Variants in PCDHA6 observed in about 807,000 individuals in gnomAD.
The protein encoded by PCDHA6 is protocadherin alpha 6.
PCDHA6 carries 55 observed loss-of-function variants against 60.3 expected under a neutral mutation model. The ratio of observed to expected loss-of-function variants is 0.91; its 90% confidence interval spans 0.73 to 1.14. The LOEUF (loss-of-function observed/expected upper bound fraction) is 1.14, where lower values mean the gene tolerates loss of function less well. Ranked by LOEUF, PCDHA6 falls within the 50% of genes most tolerant of loss-of-function variation. PCDHA6 has a pLI of 0.00. For missense variants in PCDHA6, 1,327 were observed against 1,256.5 expected, an observed-to-expected ratio of 1.06 and a Z score of -0.85; for synonymous variants, 652 against 557.9, an observed-to-expected ratio of 1.17 and a Z score of -2.38.
At chr5:140,880,123 C>T (rs1315267493) in intron 1 of PCDHA6, among the ~76,000 whole-genome samples, 3 of 152,118 alleles carry the variant, frequency 2.0e-5, no homozygotes, top group African/African-American at 7.2e-5. Flanking sequence ...CAACAGGAAG[C>T]TGAAATAAAG....
chr5:140,976,812 G>A (rs2096732233), intron 1 of PCDHA6, among the ~76,000 whole-genome samples: 1 of 152,178 alleles, frequency 6.6e-6, no homozygotes, highest in Non-Finnish European at 1.5e-5. Flanking sequence ...CTGAAGATAT[G>A]CATGTGTCTA....
intron 1 of PCDHA6, chr5:140,967,313 C>T: frequency 6.2e-7 from 1 of 1,611,052 alleles, no homozygotes; most frequent in Non-Finnish European, 8.5e-7. Flanking sequence ...CAACTCAGTA[C>T]AGACCTACGA....
chr5:141,010,461 G>C lies in PCDHA6; in HGVS notation c.*524G>C. The C allele has an allele frequency of 1.2e-6, 1 of 823,014 alleles. No individual in the cohort carries two copies. The highest frequency in any genetic ancestry group is 1.8e-6 in the Non-Finnish European group (1 of 553,022). The allele number at this position is 823,014 out of a possible 1,614,324, so 51.0% of individuals were successfully genotyped here. A position where few individuals can be genotyped will look rare whatever the true frequency, so the allele number is the denominator to read the frequency against. On this transcript the variant is annotated 3_prime_UTR_variant, in exon 4 of 4. Coordinates refer to ENST00000529310, the MANE Select transcript of PCDHA6 (RefSeq NM_018909.4). ...GACAAATAAACAGCGGAAGTTATCAGTATGGAGGGGAAGTGTAAACTTAAA... is the reference window on the plus strand; with the variant it reads ...GACAAATAAACAGCGGAAGTTATCACTATGGAGGGGAAGTGTAAACTTAAA...
intron 3 of PCDHA6, among the ~76,000 whole-genome samples, chr5:141,005,360 A>G (rs1215157808): frequency 6.6e-6 from 1 of 152,184 alleles, no homozygotes; most frequent in Non-Finnish European, 1.5e-5. Flanking sequence ...TAGGAATGTC[A>G]TAGAATGCCT....
intron 3 of PCDHA6, among the ~76,000 whole-genome samples, chr5:140,994,127 A>T (rs536865883): frequency 6.6e-6 from 1 of 152,348 alleles, no homozygotes; most frequent in South Asian, 2.1e-4. Flanking sequence ...GATAAGGGCG[A>T]CAATAATGCC....
chr5:140,856,074 G>A, intron 1 of PCDHA6: 1 of 1,592,254 alleles, frequency 6.3e-7, no homozygotes, highest in Non-Finnish European at 8.6e-7. Context: ...AGCTGCCTGG[G>A]GGTCCAGTGT....
rs2150360116 is a variant in PCDHA6 at position 140,843,442 on chromosome 5, A to G, written c.2394+12957A>G. The G allele has an allele frequency of 4.5e-5, 72 of 1,596,116 alleles. 7 individuals are homozygous for G. The highest frequency in any genetic ancestry group is 1.7e-4 in the Middle Eastern group (1 of 5,982). ...ACCTGATCATCGCCATCTGCGCGGT[A>G]TCCAGCCTGCTGGTGCTCACGCTGC... On this transcript the variant is annotated intron_variant, in intron 1 of 3. Coordinates refer to ENST00000529310, the MANE Select transcript of PCDHA6 (RefSeq NM_018909.4).
intron 1 of PCDHA6, among the ~76,000 whole-genome samples, chr5:140,961,630 C>A (rs1387087976): frequency 1.3e-5 from 2 of 152,136 alleles, no homozygotes; most frequent in Non-Finnish European, 2.9e-5. Context: ...ATATGAAAAA[C>A]AATCTTAAGT....
chr5:140,841,696 T>C lies in PCDHA6; in HGVS notation c.2394+11211T>C, dbSNP rs2150321005. The C allele has an allele frequency of 6.8e-6, 11 of 1,613,722 alleles. No homozygotes were observed. In the East Asian group the frequency reaches 1.8e-4, roughly 26 times the overall value. Reference sequence around the variant, plus strand: ...TCCATGTGGACGTGGAGGTGAAGGATGTTAATGACAACCCGCCAGTGTTCC... The same window carrying C: ...TCCATGTGGACGTGGAGGTGAAGGACGTTAATGACAACCCGCCAGTGTTCC... On this transcript the variant is annotated intron_variant, in intron 1 of 3. Coordinates refer to ENST00000529310, the MANE Select transcript of PCDHA6 (RefSeq NM_018909.4).
Position 140,830,026 on chromosome 5 carries a change from C to T in PCDHA6, c.1935C>T (p.His645=). 1.2e-6 allele frequency: 2 copies of T among 1,613,904 alleles called. No homozygotes were observed. Among genetic ancestry groups the T allele is most frequent in the Non-Finnish European group, 1.7e-6 (2 of 1,179,916 alleles). ...RVLDEADSPR[H]RLLVLVKDHG... ...TGGACGAAGCGGACTCTCCGCGCCA[C>T]CGGCTGCTGGTGCTGGTGAAAGACC... The change falls in exon 1 of 4, where the codon CAC becomes CAT. Residue 645 remains histidine (H), a synonymous_variant. Coordinates refer to ENST00000529310, the MANE Select transcript of PCDHA6 (RefSeq NM_018909.4).
At chr5:140,948,321 T>C (rs922752818) in intron 1 of PCDHA6, among the ~76,000 whole-genome samples, 7 of 151,748 alleles carry the variant, frequency 4.6e-5, no homozygotes, top group South Asian at 4.1e-4. Flanking sequence ...AGGGGTAATG[T>C]TTTCATTAGG....
chr5:140,862,449 G>A (rs904755604), intron 1 of PCDHA6: 31 of 364,384 alleles, frequency 8.5e-5, no homozygotes, highest in African/African-American at 6.4e-4. Context: ...ACTCCACAGC[G>A]CCCTGGACCA....
chr5:141,002,099 GC>G (rs1399073427), intron 3 of PCDHA6, among the ~76,000 whole-genome samples: 9 of 152,362 alleles, frequency 5.9e-5, no homozygotes, highest in Non-Finnish European at 1.2e-4. Flanking sequence ...CAGGGGCTGG[GC>G]CGGAAACGGC....
At chr5:140,985,203 T>C (rs1274620928) in intron 3 of PCDHA6, among the ~76,000 whole-genome samples, 1 of 152,092 alleles carries the variant, frequency 6.6e-6, no homozygotes, top group Non-Finnish European at 1.5e-5. Flanking sequence ...TCCCAAAGTG[T>C]TGGGATTACA....
At chr5:140,925,959 T>A (rs1424415985) in intron 1 of PCDHA6, among the ~76,000 whole-genome samples, 5 of 151,912 alleles carry the variant, frequency 3.3e-5, no homozygotes, top group African/African-American at 4.8e-5. Flanking sequence ...GAAACTGCTA[T>A]CACGCAAAAA....
At chr5:140,986,081 A>AT (rs2097186605) in intron 3 of PCDHA6, among the ~76,000 whole-genome samples, 1 of 152,010 alleles carries the variant, frequency 6.6e-6, no homozygotes, top group South Asian at 2.1e-4. Context: ...CTGTTCATTT[A>AT]TTTTCACAGT....
intron 1 of PCDHA6, chr5:140,836,717 G>A: frequency 6.2e-7 from 1 of 1,612,788 alleles, no homozygotes; most frequent in South Asian, 1.1e-5. Flanking sequence ...GCCTTCCTCA[G>A]GGTCCATCCT....
At position 140,927,036 on chromosome 5, in the gene PCDHA6, C is replaced by A. The variant is rs137875923; in HGVS notation, c.2395-51913C>A. On this transcript the variant is annotated intron_variant, in intron 1 of 3. Transcript: ENST00000529310. ...CCGCGGACTTGAGGCTGCCAGCGGC[C>A]GCTATGTCCTCGCGGAACTTTCGCT... 9.3e-6 allele frequency: 15 copies of A among 1,612,314 alleles called. No homozygotes were observed. In the East Asian group the frequency reaches 3.3e-4, roughly 36 times the overall value.
At position 140,828,232 on chromosome 5, in the gene PCDHA6, G is replaced by A; in HGVS notation, c.141G>A (p.Arg47=). Residue 47 remains arginine, a synonymous_variant, in exon 1 of 4, where the codon CGG becomes CGA. Transcript: ENST00000529310. ...CCAAACACGGCACCTTCGTGGGCCG[G>A]ATCGCGCAGGACCTGGGGCTGGAGC... ...EEAKHGTFVG[R]IAQDLGLELA... 1 of 1,613,964 alleles carries A rather than the reference G, an allele frequency of 6.2e-7. No homozygotes were observed. The highest frequency in any genetic ancestry group is 8.5e-7 in the Non-Finnish European group (1 of 1,180,044).
Sources: gnomAD v4.1 joint callset for allele counts (sites outside exome capture counted in the v4.1 genomes callset) on GRCh38, gnomAD v4.1.1 for gene constraint, MANE v1.5 for transcripts, NCBI Gene and HGNC (gene_info 2026-07-23, HGNC 2026-07-21) for gene names.